PTPRZ1: variants seen among roughly 807,000 people sequenced by gnomAD.
PTPRZ1 encodes the protein receptor-type tyrosine-protein phosphatase zeta.
PTPRZ1 carries 82 observed loss-of-function variants against 214.1 expected under a neutral mutation model. The ratio of observed to expected loss-of-function variants is 0.38; its 90% confidence interval spans 0.32 to 0.46. PTPRZ1 has a LOEUF of 0.46. PTPRZ1 is among the 20% of genes least tolerant of loss of function. The pLI is 1.00. For missense variants in PTPRZ1, 2,603 were observed against 2,748.7 expected (o/e 0.95, Z 1.19); for synonymous variants, 945 against 987.9 (o/e 0.96, Z 0.81).
At chr7:121,943,679 A>G (rs1185209408) in intron 2 of PTPRZ1, among the ~76,000 whole-genome samples, 1 of 152,124 alleles carries the variant, frequency 6.6e-6, no homozygotes, top group Non-Finnish European at 1.5e-5. Flanking sequence ...AATTTTAGAG[A>G]CCATCAGAAT....
chr7:122,011,046 G>T lies in PTPRZ1; in HGVS notation c.2000G>T (p.Gly667Val). 6.2e-7 allele frequency: 1 copy of T among 1,614,100 alleles called. No homozygotes were observed. Residue 667 changes from glycine (G) to valine (V), a missense_variant, in exon 12 of 30, where the codon GGA (glycine) becomes GTA (valine). Coordinates refer to ENST00000393386, the MANE Select transcript of PTPRZ1 (RefSeq NM_002851.3). The stretch of plus-strand genomic sequence containing the variant: ...GACATAACAGCACAGCCCGATGTTG[G>T]ATCAGGCAGAGAGAGCTTTCTCCAG... ...STDITAQPDV[G>V]SGRESFLQTN...
chr7:121,935,763 T>C (rs1796069805), intron 2 of PTPRZ1, among the ~76,000 whole-genome samples: 1 of 152,050 alleles, frequency 6.6e-6, no homozygotes, highest in Admixed American at 6.6e-5. Flanking sequence ...AGAGATGGGG[T>C]TTCACCGTGT....
chr7:122,013,761 A>G lies in PTPRZ1; in HGVS notation c.4715A>G (p.Asp1572Gly). 1 of 1,614,188 alleles carries G rather than the reference A, an allele frequency of 6.2e-7. No homozygotes were observed. The highest frequency in any genetic ancestry group is 8.5e-7 in the Non-Finnish European group (1 of 1,180,014). The part of the protein sequence containing the change: ...NETSTDFSFA[D>G]TNEKDADGIL... ...ACTTCCACAGATTTCAGTTTTGCAG[A>G]CACTAATGAAAAAGATGCTGATGGG... Residue 1572 changes from aspartate to glycine, a missense_variant, in exon 12 of 30, where the codon GAC becomes GGC. By Grantham distance (94) the Asp-to-Gly change is moderately conservative. Around this residue, in one of 6 missense-constraint regions of PTPRZ1, gnomAD observed 1,913 missense variants for 1,914.3 expected, o/e 1.00. Transcript: ENST00000393386.
rs573748626 is a variant in PTPRZ1, at chr7:122,045,716, T to C, written c.6084+1148T>C. 3.4e-3 allele frequency among the ~76,000 whole-genome samples: 366 copies of C among 108,530 alleles called. 5 individuals carry two copies. In the Middle Eastern group the frequency reaches 0.06, roughly 18 times the overall value. 71.2% of individuals were successfully genotyped at this position (108,530 alleles called of 152,430 possible). A position where few individuals can be genotyped will look rare whatever the true frequency, so the allele number is the denominator to read the frequency against. On this transcript the variant is annotated intron_variant, in intron 23 of 29. Transcript: ENST00000393386. The stretch of plus-strand genomic sequence containing the variant: ...CACACACACACACACACACACACAA[T>C]ATTACCCATTTCAAAAAAACTCTCA...
At chr7:122,058,016 G>A (rs901018373) in intron 27 of PTPRZ1, among the ~76,000 whole-genome samples, 1 of 149,324 alleles carries the variant, frequency 6.7e-6, no homozygotes, top group Non-Finnish European at 1.5e-5. Flanking sequence ...GCTTGTTCTA[G>A]GACATTTATT....
At position 121,984,015 on chromosome 7, in the gene PTPRZ1, A is replaced by G. The variant is rs1235308906; in HGVS notation, c.826A>G (p.Met276Val). Residue 276 changes from methionine to valine, a missense_variant, in exon 8 of 30, where the codon ATG (methionine) becomes GTG (valine). This residue lies in a region of PTPRZ1 where 244 missense variants were observed against 333.2 expected (regional missense o/e 0.73). Coordinates refer to ENST00000393386, the MANE Select transcript of PTPRZ1 (RefSeq NM_002851.3). ...TACAATGCAACAATCTGGTTATGTC[A>G]TGCTGATGGACTACTTACAAAACAA... ...VLTMQQSGYV[M>V]LMDYLQNNFR... 6.2e-7 allele frequency: 1 copy of G among 1,613,718 alleles called. No homozygotes were observed. Among genetic ancestry groups the G allele is most frequent in the Non-Finnish European group, 8.5e-7 (1 of 1,179,790 alleles).
rs1408096979 is a variant in PTPRZ1, at chr7:121,928,205, T to G, written c.108T>G (p.Ile36Met). 1.2e-6 allele frequency: 2 copies of G among 1,611,380 alleles called. No individual in the cohort carries two copies. The highest frequency in any genetic ancestry group is 2.2e-5 in the East Asian group (1 of 44,788). Residue 36 changes from isoleucine (I) to methionine (M), a missense_variant, in exon 2 of 30, where the codon ATT becomes ATG. This residue lies in a region of PTPRZ1 where 141 missense variants were observed against 143.7 expected (regional missense o/e 0.98). Transcript: ENST00000393386. ...YRQQRKLVEE[I>M]GWSYTGALNQ... Reference sequence around the variant, plus strand: ...AACAGAGAAAACTTGTTGAAGAGATTGGCTGGTCCTATACAGGTAAACATA... The same window carrying G: ...AACAGAGAAAACTTGTTGAAGAGATGGGCTGGTCCTATACAGGTAAACATA...
chr7:122,040,849 G>T lies in PTPRZ1; in HGVS notation c.5671G>T (p.Val1891Phe). Residue 1891 changes from valine to phenylalanine, a missense_variant, in exon 21 of 30, where the codon GTC becomes TTC. This residue lies in a region of PTPRZ1 where 1,913 missense variants were observed against 1,914.3 expected (regional missense o/e 1.00). Coordinates refer to ENST00000393386, the MANE Select transcript of PTPRZ1 (RefSeq NM_002851.3). The stretch of plus-strand genomic sequence containing the variant: ...GAAAGGAAGACCCAGTGGACGTGTG[G>T]TCACACAGTATCACTACACGCAGTG... ...SQKGRPSGRV[V>F]TQYHYTQWPD... 2 of 1,588,566 alleles carry T rather than the reference G, an allele frequency of 1.3e-6. No individual in the cohort carries two copies. The highest frequency in any genetic ancestry group is 2.2e-5 in the South Asian group (2 of 89,246).
In PTPRZ1 at chr7:122,039,448, T is replaced by C. The variant is rs1799648506; in HGVS notation, c.5503-6T>C. ...ACAGAAGTAACATCTACATTTTCTT[T>C]TGCAGAGAAAATGTGATCAGTACTG... On this transcript the variant is annotated splice_polypyrimidine_tract_variant and splice_region_variant and intron_variant, in intron 19 of 29. Coordinates refer to ENST00000393386, the MANE Select transcript of PTPRZ1 (RefSeq NM_002851.3). 6.2e-7 allele frequency: 1 copy of C among 1,605,160 alleles called. No homozygotes were observed.
chr7:121,874,518 C>A (rs754750866), intron 1 of PTPRZ1, among the ~76,000 whole-genome samples: 3 of 152,138 alleles, frequency 2.0e-5, no homozygotes, highest in Admixed American at 6.5e-5. Flanking sequence ...ATATTTAATT[C>A]TTTTCAGAGG....
rs999418387 is a variant in PTPRZ1 at position 122,011,559 on chromosome 7, T to A, written c.2513T>A (p.Val838Asp). ...GAATTGTTTCGCCATCTGCATACAG[T>A]TTCTCAAATCCTTCCACAAGTTACT... is the stretch of plus-strand genomic sequence containing the variant. ...SSELFRHLHTVSQILPQVTSA... is the reference protein window; with the variant it reads ...SSELFRHLHTDSQILPQVTSA... Residue 838 changes from valine (V) to aspartate (D), a missense_variant, in exon 12 of 30, where the codon GTT (valine) becomes GAT (aspartate). Physicochemically the swap from Val to Asp is radical, Grantham distance 152. Around this residue, in one of 6 missense-constraint regions of PTPRZ1, gnomAD observed 1,913 missense variants for 1,914.3 expected, o/e 1.00. Coordinates refer to ENST00000393386, the MANE Select transcript of PTPRZ1 (RefSeq NM_002851.3). 2 of 1,614,144 alleles carry A rather than the reference T, an allele frequency of 1.2e-6. No individual in the cohort carries two copies. Among genetic ancestry groups the A allele is most frequent in the Admixed American group, 3.3e-5 (2 of 60,012 alleles).
intron 1 of PTPRZ1, among the ~76,000 whole-genome samples, chr7:121,893,248 C>CA (rs1322899313): frequency 6.6e-6 from 1 of 152,002 alleles, no homozygotes; most frequent in Non-Finnish European, 1.5e-5. Flanking sequence ...ATTGCATGCC[C>CA]AAAAAAACCC....
chr7:122,030,468 A>C (rs1147498), intron 14 of PTPRZ1, among the ~76,000 whole-genome samples: 34,951 of 151,906 alleles, frequency 0.23, 4,187 homozygotes, highest in African/African-American at 0.3. Flanking sequence ...AAAGCTTCTA[A>C]GCAAGATCCT....
At chr7:122,028,940 T>A (rs936158346) in intron 14 of PTPRZ1, among the ~76,000 whole-genome samples, 1 of 151,992 alleles carries the variant, frequency 6.6e-6, no homozygotes, top group African/African-American at 2.4e-5. Context: ...TAGTTAAGAA[T>A]AATGGTGACT....
chr7:121,969,598 A>G (rs1797160115), intron 3 of PTPRZ1, among the ~76,000 whole-genome samples: 1 of 150,322 alleles, frequency 6.7e-6, no homozygotes, highest in East Asian at 2.0e-4. Flanking sequence ...GAAAGTAGAG[A>G]TTTTTCTACA....
intron 1 of PTPRZ1, among the ~76,000 whole-genome samples, chr7:121,896,509 C>T (rs1266522512): frequency 6.6e-6 from 1 of 152,002 alleles, no homozygotes; most frequent in Non-Finnish European, 1.5e-5. Flanking sequence ...ATATTAATCA[C>T]CCTTGAAAAA....
chr7:121,949,335 T>C (rs1258840879), intron 2 of PTPRZ1, among the ~76,000 whole-genome samples: 1 of 152,174 alleles, frequency 6.6e-6, no homozygotes, highest in African/African-American at 2.4e-5. Flanking sequence ...ACTTTTCCCT[T>C]TAGTTTAGTG....
intron 1 of PTPRZ1, among the ~76,000 whole-genome samples, chr7:121,918,781 T>C (rs2116335352): frequency 6.6e-6 from 1 of 151,978 alleles, no homozygotes; most frequent in East Asian, 1.9e-4. Context: ...TAAATTTACA[T>C]TTCTGTATAT....
intron 1 of PTPRZ1, among the ~76,000 whole-genome samples, chr7:121,893,767 C>T (rs940774963): frequency 6.6e-6 from 1 of 152,114 alleles, no homozygotes; most frequent in Non-Finnish European, 1.5e-5. Context: ...AATATTCTTA[C>T]ATTTGGTTCC....
Sources: gnomAD v4.1 joint callset for allele counts (sites outside exome capture counted in the v4.1 genomes callset) on GRCh38, gnomAD v4.1.1 for gene constraint, gnomAD v4.1.1 regional missense constraint, MANE v1.5 for transcripts, NCBI Gene and HGNC (gene_info 2026-07-23, HGNC 2026-07-21) for gene names.